MAPK6: variants seen among roughly 807,000 people sequenced by gnomAD.
MAPK6 encodes the protein ERK-3.
A neutral mutation model predicts 59.3 loss-of-function variants in MAPK6; 19 were observed. That is an observed-to-expected ratio of 0.32 (90% confidence interval 0.22 to 0.47). The LOEUF is 0.47. Among genes scored for constraint, MAPK6 ranks in the 20% least tolerant of loss-of-function variants. The probability of loss-of-function intolerance (pLI) is 1.00; values close to 1 mark genes in which losing one functional copy is unlikely to be tolerated. For synonymous variants in MAPK6, 316 were observed against 290.3 expected (o/e 1.09, Z -0.90); for missense variants, 724 against 847.9 (o/e 0.85, Z 1.81).
rs967444012 is a variant in MAPK6 at position 52,064,978 on chromosome 15, G to C, written c.2144G>C (p.Ser715Thr). 2 of 1,608,512 alleles carry C rather than the reference G, an allele frequency of 1.2e-6. No individual in the cohort carries two copies. Among genetic ancestry groups the C allele is most frequent in the Non-Finnish European group, 1.7e-6 (2 of 1,177,292 alleles). ...CAAATTCCTCATCAAACATACAGCA[G>C]CATTCTGAAACATCTGAACTAAAAC... ...SPQIPHQTYSSILKHLN is the reference protein window; with the variant it reads ...SPQIPHQTYSTILKHLN Residue 715 changes from serine (S) to threonine (T), a missense_variant, in exon 6 of 6, where the codon AGC becomes ACC. By Grantham distance (58) the Ser-to-Thr change is moderately conservative (BLOSUM62 1). Coordinates refer to ENST00000261845, the MANE Select transcript of MAPK6 (RefSeq NM_002748.4).
At chr15:51,975,816 A>G (rs2470592) in intron 1 of MAPK6, among the ~76,000 whole-genome samples, 5,066 of 151,984 alleles carry the variant, frequency 0.033, 282 homozygotes, top group African/African-American at 0.12. Context: ...GTTTCTCTCT[A>G]TAGCAGTAAG....
At chr15:52,010,271 T>A (rs1322710192) in intron 3 of MAPK6, among the ~76,000 whole-genome samples, 2 of 152,050 alleles carry the variant, frequency 1.3e-5, no homozygotes, top group Admixed American at 1.3e-4. Context: ...CAGGCTGGAA[T>A]GCAATGGCAT....
At chr15:52,055,949 C>T (rs2031965929) in intron 3 of MAPK6, among the ~76,000 whole-genome samples, 1 of 152,152 alleles carries the variant, frequency 6.6e-6, no homozygotes, top group Admixed American at 6.5e-5. Flanking sequence ...GAATAGTTTG[C>T]AATGAAATGA....
rs191545405 is a variant in MAPK6, at chr15:51,993,585, T to C, written c.-770+10270T>C. Among the ~76,000 whole-genome samples the C allele has an allele frequency of 1.4e-3, 210 of 152,184 alleles. 6 individuals carry two copies. The East Asian group carries it at 0.036, about 26-fold the overall frequency. On this transcript the variant is annotated intron_variant, in intron 2 of 7. Coordinates refer to the MAPK6 transcript ENST00000691380. ...TAGTGTAAATTCATAATTTTAAATA[T>C]AGATAGATGGATGTAGAAATAAATA...
intron 3 of MAPK6, among the ~76,000 whole-genome samples, chr15:52,057,961 T>C (rs1439064349): frequency 6.6e-6 from 1 of 152,198 alleles, no homozygotes; most frequent in Non-Finnish European, 1.5e-5. Flanking sequence ...TTCTCAAGTG[T>C]CCTGCGCATA....
chr15:52,037,225 A>T (rs1419518709), intron 1 of MAPK6, among the ~76,000 whole-genome samples: 1 of 152,210 alleles, frequency 6.6e-6, no homozygotes, highest in East Asian at 1.9e-4. Context: ...GAGGCAACAG[A>T]GTGAGACCCT....
chr15:52,035,547 C>T (rs1312275867), intron 1 of MAPK6: 1 of 152,196 alleles, frequency 6.6e-6, no homozygotes, highest in African/African-American at 2.4e-5. Context: ...TCGCTTGAAC[C>T]CGGGAAGCGG....
chr15:52,048,026 T>C (rs1244486610), intron 2 of MAPK6, among the ~76,000 whole-genome samples: 3 of 152,194 alleles, frequency 2.0e-5, no homozygotes, highest in Non-Finnish European at 4.4e-5. Context: ...ATGTTTAAAT[T>C]AGAGAGGTGG....
At chr15:52,047,682 C>A (rs955049994) in intron 2 of MAPK6, among the ~76,000 whole-genome samples, 8 of 143,764 alleles carry the variant, frequency 5.6e-5, no homozygotes, top group Non-Finnish European at 6.0e-5. Context: ...GTGACAAGAT[C>A]TTGCTGTGTT....
Position 52,046,398 on chromosome 15 carries a change from A to G in MAPK6, c.-63A>G, listed in dbSNP as rs2031593485. The G allele has an allele frequency of 8.3e-6, 10 of 1,205,408 alleles. No individual in the cohort carries two copies. The highest frequency in any genetic ancestry group is 1.5e-5 in the African/African-American group (1 of 65,722). The allele number at this position is 1,205,408 out of a possible 1,614,324, so 74.7% of individuals were successfully genotyped here. ...TTGAAAGATCTTTCCTTTTGATGCCAGTTTTCTTCCTTGTTTACACAAGTT... is the reference window on the plus strand; with the variant it reads ...TTGAAAGATCTTTCCTTTTGATGCCGGTTTTCTTCCTTGTTTACACAAGTT... On this transcript the variant is annotated 5_prime_UTR_variant, in exon 2 of 6. Coordinates refer to ENST00000261845, the MANE Select transcript of MAPK6 (RefSeq NM_002748.4).
At chr15:51,989,961 T>C (rs1451747352) in intron 2 of MAPK6, among the ~76,000 whole-genome samples, 1 of 152,136 alleles carries the variant, frequency 6.6e-6, no homozygotes, top group Non-Finnish European at 1.5e-5. Flanking sequence ...AGCAGGCTAC[T>C]AGAGACAAAT....
At chr15:52,017,523 G>T, upstream of MAPK6, 1 of 152,570 alleles carries the variant, frequency 6.6e-6, no homozygotes, top group South Asian at 2.0e-4. Flanking sequence ...AGTTGCTTCA[G>T]GTCATCTGGA....
At chr15:51,997,399 G>GTAGCTGGGATTA (rs111747083) in intron 2 of MAPK6, among the ~76,000 whole-genome samples, 16,457 of 150,324 alleles carry the variant, frequency 0.11, 2,334 homozygotes, top group African/African-American at 0.32. Flanking sequence ...AGCCTCCTAA[G>GTAGCTGGGATTA]TAGACATGTG....
At chr15:52,058,580 T>C in intron 3 of MAPK6, 53 bp from the exon 4 acceptor site, 1 of 1,429,608 alleles carries the variant, frequency 7.0e-7, no homozygotes, top group Non-Finnish European at 9.4e-7. Flanking sequence ...ATGTTTATTG[T>C]GAAATAAGTA....
intron 1 of MAPK6, among the ~76,000 whole-genome samples, chr15:52,034,369 G>A (rs1000123528): frequency 2.6e-5 from 4 of 151,068 alleles, no homozygotes; most frequent in African/African-American, 7.3e-5. Flanking sequence ...ACTGGAGCAC[G>A]ATGGCTGATC....
chr15:52,008,166 C>G (rs1013761819), intron 3 of MAPK6, among the ~76,000 whole-genome samples: 3 of 152,052 alleles, frequency 2.0e-5, no homozygotes, highest in African/African-American at 4.8e-5. Context: ...CTTCCTGATG[C>G]ACACACATTG....
chr15:52,045,684 G>C (rs1187478345), intron 1 of MAPK6, 146 bp from the exon 2 acceptor site: 1 of 152,450 alleles, frequency 6.6e-6, no homozygotes, highest in African/African-American at 2.4e-5. Context: ...TTTTGATTAA[G>C]GGTAATTTGT....
chr15:52,030,693 C>T (rs2030996212), intron 1 of MAPK6, among the ~76,000 whole-genome samples: 1 of 116,954 alleles, frequency 8.6e-6, no homozygotes, highest in Admixed American at 1.3e-4. Context: ...GCGGTGCAAT[C>T]TTGGCTCAGT....
chr15:52,043,146 C>T (rs759268235), intron 1 of MAPK6, among the ~76,000 whole-genome samples: 5 of 151,824 alleles, frequency 3.3e-5, no homozygotes, highest in African/African-American at 4.8e-5. Flanking sequence ...AACAAACAAA[C>T]TGGTTTTCCT....
Sources: allele counts gnomAD v4.1 joint callset (sites outside exome capture counted in the v4.1 genomes callset), GRCh38; gene constraint gnomAD v4.1.1; transcripts MANE v1.5; gene names NCBI Gene and HGNC (gene_info 2026-07-23, HGNC 2026-07-21).